The following CD109 variants were observed in gnomAD, a reference collection of about 807,000 sequenced individuals.
CD109 encodes the protein CD109 antigen.
Under a neutral mutation model 165.8 loss-of-function variants are expected in CD109, and 149 were observed. The observed-to-expected ratio is 0.90, with a 90% confidence interval of 0.79 to 1.03. CD109 has a LOEUF of 1.03. CD109 is among the 50% of genes least tolerant of loss of function. The probability of loss-of-function intolerance (pLI) is 0.00; values close to 1 mark genes in which losing one functional copy is unlikely to be tolerated. For missense variants in CD109, 1,712 were observed against 1,677.8 expected (o/e 1.02, Z -0.36); for synonymous variants, 585 against 592.1 (o/e 0.99, Z 0.18).
In CD109 at chr6:73,766,951, G is replaced by A; in HGVS notation, c.1438G>A (p.Gly480Arg). 1 of 1,613,090 alleles carries A rather than the reference G, an allele frequency of 6.2e-7. No individual in the cohort carries two copies. Reference protein sequence around the residue: ...LKTRDENIKVGSPFELVVSGN... With the variant: ...LKTRDENIKVRSPFELVVSGN... ...ATTAATTAAGGTTTTTTTCTAGGTGGGATCGCCTTTTGAGTTGGTGGTTAG... is the reference window on the plus strand; with the variant it reads ...ATTAATTAAGGTTTTTTTCTAGGTGAGATCGCCTTTTGAGTTGGTGGTTAG... Residue 480 changes from glycine (G) to arginine (R), a missense_variant, in exon 13 of 33, where the codon GGA becomes AGA. By Grantham distance (125) the Gly-to-Arg change is moderately radical (BLOSUM62 -2). Transcript: ENST00000287097.
At chr6:73,814,767 A>C (rs1041983206) in intron 29 of CD109, among the ~76,000 whole-genome samples, 1 of 152,176 alleles carries the variant, frequency 6.6e-6, no homozygotes, top group Non-Finnish European at 1.5e-5. Flanking sequence ...ATTACTTAAC[A>C]GTTTTCTCCA....
rs988825164 is a variant in CD109, at chr6:73,753,125, A to G, written c.634-3518A>G. Reference sequence around the variant, plus strand: ...TTTGTGAATAAAGATTTATTGGAACATAGTCGTGCTCGTTTGTTTACAAAT... The same window carrying G: ...TTTGTGAATAAAGATTTATTGGAACGTAGTCGTGCTCGTTTGTTTACAAAT... On this transcript the variant is annotated intron_variant, in intron 5 of 32. Transcript: ENST00000287097. 2.0e-5 allele frequency among the ~76,000 whole-genome samples: 3 copies of G among 152,208 alleles called. No homozygotes were observed. The South Asian group carries it at 6.2e-4, about 31-fold the overall frequency.
chr6:73,781,322 A>G lies in CD109; in HGVS notation c.1963+3A>G. ...GAAGGATTATATTGATGGTGTTTGT[A>G]AGTAATACATGGCGACATGCTTGTA... On this transcript the variant is annotated splice_donor_region_variant and intron_variant, in intron 17 of 32. Transcript: ENST00000287097. 6.2e-7 allele frequency: 1 copy of G among 1,609,872 alleles called. No individual in the cohort carries two copies. The highest frequency in any genetic ancestry group is 1.7e-4 in the Middle Eastern group (1 of 6,048).
intron 29 of CD109, among the ~76,000 whole-genome samples, chr6:73,814,229 A>G (rs1775852304): frequency 1.3e-5 from 2 of 152,208 alleles, no homozygotes; most frequent in South Asian, 4.2e-4. Context: ...AGAAAACACA[A>G]CCTTACAAAG....
intron 9 of CD109, 28 bp from the exon 10 acceptor site, chr6:73,763,548 T>A (rs1357664445): frequency 2.3e-6 from 3 of 1,284,944 alleles, no homozygotes; most frequent in East Asian, 4.8e-5. Context: ...TTACTTTTGC[T>A]TTCTAAATTG....
chr6:73,730,657 C>G (rs1772332614), intron 4 of CD109, 83 bp downstream of exon 4: 1 of 832,556 alleles, frequency 1.2e-6, no homozygotes. Flanking sequence ...GTTACTGACA[C>G]TGGAATATTT....
In CD109 at chr6:73,826,370, A is replaced by C. The variant is rs1249834383; in HGVS notation, c.*2737A>C. ...CTGTCAATGTCATTTACTGGTATGA[A>C]CTAAAGTCCCCCTTCTTTTCCACTC... On this transcript the variant is annotated 3_prime_UTR_variant, in exon 33 of 33. Transcript: ENST00000287097. 6.6e-6 allele frequency: 1 copy of C among 152,194 alleles called. No homozygotes were observed. The highest frequency in any genetic ancestry group is 1.5e-5 in the Non-Finnish European group (1 of 68,034). 9.4% of individuals were successfully genotyped at this position (152,194 alleles called of 1,614,324 possible). A position where few individuals can be genotyped will look rare whatever the true frequency, so the allele number is the denominator to read the frequency against.
intron 2 of CD109, among the ~76,000 whole-genome samples, chr6:73,708,822 C>A (rs1394526922): frequency 2.0e-5 from 3 of 152,160 alleles, no homozygotes; most frequent in Non-Finnish European, 4.4e-5. Context: ...TGTTCATATC[C>A]TTTGCCCACT....
At chr6:73,727,008 A>G (rs886160575) in intron 3 of CD109, among the ~76,000 whole-genome samples, 5 of 151,942 alleles carry the variant, frequency 3.3e-5, no homozygotes, top group African/African-American at 1.2e-4. Flanking sequence ...TCCCCCACCA[A>G]TTTCGGGAAC....
At chr6:73,777,764 T>C (rs1336441533) in intron 15 of CD109, among the ~76,000 whole-genome samples, 3 of 152,192 alleles carry the variant, frequency 2.0e-5, no homozygotes, top group East Asian at 3.9e-4. Flanking sequence ...TCTGTTCCAT[T>C]GGTCTATGTG....
intron 5 of CD109, among the ~76,000 whole-genome samples, chr6:73,755,057 G>C (rs975406645): frequency 1.3e-5 from 2 of 152,122 alleles, no homozygotes; most frequent in African/African-American, 4.8e-5. Flanking sequence ...GTCTGTGCTG[G>C]CCTCAGTAAT....
chr6:73,766,817 G>A lies in CD109; in HGVS notation c.1391G>A (p.Ser464Asn). Reference protein sequence around the residue: ...MAVHSLFKSPSKTYIQLKTRD... With the variant: ...MAVHSLFKSPNKTYIQLKTRD... The stretch of plus-strand genomic sequence containing the variant: ...GTTCATAGTCTGTTTAAGTCTCCTA[G>A]TAAGACATACATCCAACTAAAAACA... Residue 464 changes from serine to asparagine, a missense_variant, in exon 12 of 33, where the codon AGT becomes AAT. By Grantham distance (46) the Ser-to-Asn change is conservative. Transcript: ENST00000287097. 3.7e-6 allele frequency: 6 copies of A among 1,613,170 alleles called. No individual in the cohort carries two copies. Among genetic ancestry groups the A allele is most frequent in the Non-Finnish European group, 5.1e-6 (6 of 1,179,460 alleles).
chr6:73,764,386 C>A (rs1469494602), intron 10 of CD109, among the ~76,000 whole-genome samples: 4 of 152,164 alleles, frequency 2.6e-5, no homozygotes, highest in African/African-American at 9.6e-5. Context: ...CTCAGCCCTG[C>A]CATTGTAGTG....
rs1027095366 is a variant in CD109 at position 73,772,505 on chromosome 6, C to CAA, written c.1827+949_1827+950dup. Among the ~76,000 whole-genome samples, 191 of 39,518 alleles carry CAA rather than the reference C, an allele frequency of 4.8e-3. 5 individuals carry two copies. Among genetic ancestry groups the CAA allele is most frequent in the Non-Finnish European group, 7.8e-3 (157 of 20,032 alleles). The allele number at this position is 39,518 out of a possible 152,430, so 25.9% of individuals were successfully genotyped here. ...TGGGTGACAGAGCAAGACTCTGTCT[C>CAA]AAAAAAAAAAAAAAAAAAAAAAAAA... On this transcript the variant is annotated intron_variant, in intron 15 of 32. Coordinates refer to ENST00000287097, the MANE Select transcript of CD109 (RefSeq NM_133493.5).
At chr6:73,810,216 A>C in intron 27 of CD109, 42 bp downstream of exon 27, 1 of 595,574 alleles carries the variant, frequency 1.7e-6, no homozygotes, top group Non-Finnish European at 2.4e-6. Context: ...ATAATATATA[A>C]TATAGATTTA....
chr6:73,750,576 A>G (rs1281932292), intron 5 of CD109, among the ~76,000 whole-genome samples: 1 of 152,194 alleles, frequency 6.6e-6, no homozygotes, highest in African/African-American at 2.4e-5. Context: ...TTCAAGAGCA[A>G]TAAAGCGCAT....
intron 14 of CD109, among the ~76,000 whole-genome samples, chr6:73,770,087 T>G (rs1773981093): frequency 6.6e-6 from 1 of 152,098 alleles, no homozygotes; most frequent in Admixed American, 6.5e-5. Flanking sequence ...GTTTGCTAAT[T>G]AGTACTTACT....
At chr6:73,722,915 T>A (rs946090282) in intron 2 of CD109, among the ~76,000 whole-genome samples, 1 of 152,164 alleles carries the variant, frequency 6.6e-6, no homozygotes, top group Non-Finnish European at 1.5e-5. Flanking sequence ...CTGTACAGCG[T>A]GTGAAGTGTC....
At chr6:73,748,888 A>G (rs141395745) in intron 5 of CD109, among the ~76,000 whole-genome samples, 1 of 152,236 alleles carries the variant, frequency 6.6e-6, no homozygotes, top group African/African-American at 2.4e-5. Context: ...TCTAAGTAGG[A>G]CAGTGTACAT....
Sources: gnomAD v4.1 joint callset for allele counts (sites outside exome capture counted in the v4.1 genomes callset) on GRCh38, gnomAD v4.1.1 for gene constraint, MANE v1.5 for transcripts, NCBI Gene and HGNC (gene_info 2026-07-23, HGNC 2026-07-21) for gene names.